Variants in ZNF267 observed in about 807,000 individuals in gnomAD.
The protein encoded by ZNF267 is zinc finger (C2H2).
Under a neutral mutation model 71.6 loss-of-function variants are expected in ZNF267, and 61 were observed. The observed-to-expected ratio is 0.85, with a 90% confidence interval of 0.69 to 1.05. The LOEUF (loss-of-function observed/expected upper bound fraction) is 1.05, where lower values mean the gene tolerates loss of function less well. Ranked by LOEUF, ZNF267 falls within the 50% of genes least tolerant of loss-of-function variation. The pLI is 0.00. For missense variants in ZNF267, 852 were observed against 870.0 expected, an observed-to-expected ratio of 0.98 and a Z score of 0.26; for synonymous variants, 288 against 293.2, an observed-to-expected ratio of 0.98 and a Z score of 0.18.
intron 3 of ZNF267, among the ~76,000 whole-genome samples, chr16:31,901,091 G>A (rs2084037461): frequency 6.6e-6 from 1 of 152,028 alleles, no homozygotes; most frequent in South Asian, 2.1e-4. Context: ...GAGAATGATG[G>A]TTTCCAGCTT....
rs1164794946 is a variant in ZNF267, at chr16:31,885,276, G to A, written c.226+20G>A. 1.3e-6 allele frequency: 2 copies of A among 1,598,752 alleles called. No homozygotes were observed. The highest frequency in any genetic ancestry group is 1.1e-5 in the South Asian group (1 of 89,546). On this transcript the variant is annotated intron_variant, in intron 3 of 3. Coordinates refer to ENST00000300870, the MANE Select transcript of ZNF267 (RefSeq NM_003414.6). ...AGCCAGGTAGGTGGGAGCGAATGAA[G>A]TAGATGACATGGGCGAGAGGTCCAG...
chr16:31,904,148 G>C (rs2084066825), intron 3 of ZNF267, among the ~76,000 whole-genome samples: 3 of 152,238 alleles, frequency 2.0e-5, no homozygotes, highest in African/African-American at 7.2e-5. Flanking sequence ...TGTGGTGTGA[G>C]AGACAGTTTG....
At chr16:31,909,190 G>A (rs561154149) in intron 3 of ZNF267, among the ~76,000 whole-genome samples, 3 of 124,598 alleles carry the variant, frequency 2.4e-5, no homozygotes, top group African/African-American at 8.9e-5. Context: ...GCAGTAGCAC[G>A]ATCTCGGCTC....
Position 31,884,509 on chromosome 16 carries a change from A to G in ZNF267, c.15A>G (p.Thr5=). 1.2e-6 allele frequency: 2 copies of G among 1,614,160 alleles called. No homozygotes were observed. Among genetic ancestry groups the G allele is most frequent in the South Asian group, 1.1e-5 (1 of 91,092 alleles). Residue 5 remains threonine, a synonymous_variant, in exon 2 of 4, where the codon ACA becomes ACG. Coordinates refer to ENST00000300870, the MANE Select transcript of ZNF267 (RefSeq NM_003414.6). ...TATTTTTATTTCAGGGACTGTTGACATTCAGGGATGTGGCCGTAGAATTCT... is the reference window on the plus strand; with the variant it reads ...TATTTTTATTTCAGGGACTGTTGACGTTCAGGGATGTGGCCGTAGAATTCT... MGLL[T]FRDVAVEFSL...
chr16:31,874,065 C>G, intron 1 of ZNF267, 96 bp downstream of exon 1: 1 of 1,417,898 alleles, frequency 7.1e-7, no homozygotes, highest in Non-Finnish European at 9.8e-7. Flanking sequence ...TCCCCGCAGT[C>G]AGCCTCGGGG....
intron 3 of ZNF267, among the ~76,000 whole-genome samples, chr16:31,907,447 C>T (rs2084100568): frequency 6.6e-6 from 1 of 152,164 alleles, no homozygotes; most frequent in Non-Finnish European, 1.5e-5. Context: ...TTACCTGCTA[C>T]ATCAGGTCTG....
intron 2 of ZNF267, 70 bp downstream of exon 2, chr16:31,884,694 G>C: frequency 6.7e-7 from 1 of 1,502,388 alleles, no homozygotes; most frequent in Non-Finnish European, 9.0e-7. Context: ...TGTCCCTTGG[G>C]ATCTTGTGCT....
intron 3 of ZNF267, among the ~76,000 whole-genome samples, chr16:31,904,509 C>G (rs576962697): frequency 1.3e-5 from 2 of 152,334 alleles, no homozygotes; most frequent in East Asian, 3.9e-4. Flanking sequence ...GTTAGCTCTT[C>G]TTGTTGAATT....
At chr16:31,879,479 T>C (rs1327314551) in intron 1 of ZNF267, among the ~76,000 whole-genome samples, 2 of 152,210 alleles carry the variant, frequency 1.3e-5, no homozygotes, top group Admixed American at 1.3e-4. Flanking sequence ...ATTTTATGAT[T>C]TTCTTCTTCA....
chr16:31,908,828 G>A (rs952957143), intron 3 of ZNF267, among the ~76,000 whole-genome samples: 1 of 152,052 alleles, frequency 6.6e-6, no homozygotes. Context: ...CAGCTCTTTA[G>A]TGTAATGTGA....
chr16:31,881,801 G>C (rs539643997), intron 1 of ZNF267, among the ~76,000 whole-genome samples: 11 of 151,550 alleles, frequency 7.3e-5, no homozygotes, highest in Admixed American at 5.3e-4. Flanking sequence ...CGAGTAGCTG[G>C]GATTATAGGT....
chr16:31,884,347 C>T (rs2083909235), intron 1 of ZNF267, 151 bp from the exon 2 acceptor site: 1 of 912,694 alleles, frequency 1.1e-6, no homozygotes, highest in African/African-American at 1.7e-5. Context: ...TTTGAGACTA[C>T]ATTAGAAAAT....
rs756624714 is a variant in ZNF267, at chr16:31,915,421, G to A, written c.1172G>A (p.Arg391His). The A allele has an allele frequency of 5.0e-6, 8 of 1,613,600 alleles. No homozygotes were observed. The highest frequency in any genetic ancestry group is 3.3e-5 in the South Asian group (3 of 91,016). ...KCKACSKSFTRSSNLIVHQRI... is the reference protein window; with the variant it reads ...KCKACSKSFTHSSNLIVHQRI... ...AAAGCATGTAGCAAATCTTTTACTC[G>A]TTCCTCCAATCTTATTGTGCATCAG... The change falls in exon 4 of 4, where the codon CGT (arginine) becomes CAT (histidine). Residue 391 changes from arginine (R) to histidine (H), a missense_variant. By Grantham distance (29) the Arg-to-His change is conservative. Transcript: ENST00000300870.
chr16:31,881,871 A>G (rs945476160), intron 1 of ZNF267, among the ~76,000 whole-genome samples: 2 of 151,806 alleles, frequency 1.3e-5, no homozygotes, highest in African/African-American at 4.8e-5. Context: ...CACAATGTTG[A>G]CCAGGCTGAT....
intron 3 of ZNF267, among the ~76,000 whole-genome samples, chr16:31,892,768 C>T (rs1007569861): frequency 1.3e-5 from 2 of 152,270 alleles, no homozygotes; most frequent in Non-Finnish European, 2.9e-5. Context: ...ACATCCAGGT[C>T]ATGCTGATGC....
intron 3 of ZNF267, among the ~76,000 whole-genome samples, chr16:31,901,079 C>T (rs1348965117): frequency 6.6e-6 from 1 of 152,028 alleles, no homozygotes; most frequent in African/African-American, 2.4e-5. Flanking sequence ...GGATGGTTTG[C>T]TGAGAATGAT....
At chr16:31,911,233 A>G (rs2084132929) in intron 3 of ZNF267, among the ~76,000 whole-genome samples, 1 of 151,672 alleles carries the variant, frequency 6.6e-6, no homozygotes, top group Non-Finnish European at 1.5e-5. Context: ...TGTTTCTTTC[A>G]TGATTTTCTA....
chr16:31,893,239 C>T (rs1437051205), intron 3 of ZNF267, among the ~76,000 whole-genome samples: 3 of 152,244 alleles, frequency 2.0e-5, no homozygotes, highest in African/African-American at 7.2e-5. Context: ...CCCCTTTCAG[C>T]CACTGCTGGA....
In ZNF267 at chr16:31,909,200, C is replaced by T. The variant is rs148277162; in HGVS notation, c.227-5276C>T. ...GGAGTGCAGTAGCACGATCTCGGCT[C>T]GGCTCACTGCAACCTCCGCCTCCCG... is the stretch of plus-strand genomic sequence containing the variant. On this transcript the variant is annotated intron_variant, in intron 3 of 3. Transcript: ENST00000300870. Among the ~76,000 whole-genome samples the T allele has an allele frequency of 1.9e-4, 27 of 143,088 alleles. No individual in the cohort carries two copies. In the South Asian group the frequency reaches 2.9e-3, roughly 16 times the overall value. The allele number at this position is 143,088 out of a possible 152,430, so 93.9% of individuals were successfully genotyped here. A position where few individuals can be genotyped will look rare whatever the true frequency, so the allele number is the denominator to read the frequency against.
Sources: allele counts gnomAD v4.1 joint callset (sites outside exome capture counted in the v4.1 genomes callset), GRCh38; gene constraint gnomAD v4.1.1; transcripts MANE v1.5; gene names NCBI Gene and HGNC (gene_info 2026-07-23, HGNC 2026-07-21).